TENM3: variants seen among roughly 807,000 people sequenced by gnomAD.
The protein encoded by TENM3 is teneurin-3.
A neutral mutation model predicts 255.1 loss-of-function variants in TENM3; 63 were observed. The observed-to-expected ratio is 0.25, with a 90% confidence interval of 0.20 to 0.30. TENM3 has a LOEUF of 0.30. Among genes scored for constraint, TENM3 ranks in the 10% least tolerant of loss-of-function variants. The pLI, the probability that TENM3 is intolerant of heterozygous loss-of-function variation, is 1.00. For missense variants in TENM3, 2,929 were observed against 3,461.1 expected, an observed-to-expected ratio of 0.85 and a Z score of 3.86; for synonymous variants, 1,306 against 1,322.3, an observed-to-expected ratio of 0.99 and a Z score of 0.27.
At chr4:181,653,603 G>T in the TENM3 span, among the ~76,000 whole-genome samples, 8 of 151,398 alleles carry the variant, frequency 5.3e-5, no homozygotes, top group Non-Finnish European at 7.4e-5. Flanking sequence ...GTTTTACCGT[G>T]TTGGCCAGGA....
intron 5 of TENM3, among the ~76,000 whole-genome samples, chr4:182,650,889 AATATATATAT>A (rs1157725899): frequency 3.4e-4 from 10 of 29,774 alleles, no homozygotes; most frequent in African/African-American, 2.4e-3. Flanking sequence ...AATAAAAAAA[AATATATATAT>A]ATATATATAT....
At chr4:181,889,616 A>T in the TENM3 span, among the ~76,000 whole-genome samples, 1 of 152,184 alleles carries the variant, frequency 6.6e-6, no homozygotes, top group African/African-American at 2.4e-5. Flanking sequence ...TGAACGGGCA[A>T]TAATTATAAA....
At chr4:181,476,562 G>C in the TENM3 span, among the ~76,000 whole-genome samples, 2 of 152,152 alleles carry the variant, frequency 1.3e-5, no homozygotes, top group Non-Finnish European at 2.9e-5. Context: ...GGTGAAAGGG[G>C]TGAAAACAGC....
At chr4:181,530,535 C>T in the TENM3 span, among the ~76,000 whole-genome samples, 1 of 152,160 alleles carries the variant, frequency 6.6e-6, no homozygotes, top group Non-Finnish European at 1.5e-5. Flanking sequence ...GTAGATCCTG[C>T]TGGCAGAACA....
intron 19 of TENM3, among the ~76,000 whole-genome samples, chr4:182,746,227 T>C (rs1762002767): frequency 2.6e-5 from 4 of 152,172 alleles, no homozygotes; most frequent in African/African-American, 9.7e-5. Flanking sequence ...CCGTGGTCCG[T>C]GGTTTCAAAT....
At chr4:181,816,758 A>G in the TENM3 span, among the ~76,000 whole-genome samples, 1 of 152,194 alleles carries the variant, frequency 6.6e-6, no homozygotes, top group Admixed American at 6.5e-5. Flanking sequence ...GAAGTCTTGT[A>G]GATTCTAAGA....
the TENM3 span, among the ~76,000 whole-genome samples, chr4:181,622,263 C>T: frequency 1.3e-5 from 2 of 152,180 alleles, no homozygotes; most frequent in African/African-American, 4.8e-5. Flanking sequence ...CCTCGTTTCC[C>T]TTTCCTCTCA....
rs575060133 is a variant in TENM3 at position 182,355,891 on chromosome 4, A to C, written c.511+8962A>C. On this transcript the variant is annotated intron_variant, in intron 3 of 27. Coordinates refer to ENST00000511685, the MANE Select transcript of TENM3 (RefSeq NM_001080477.4). Reference sequence around the variant, plus strand: ...GTGGGCCATCAAGTTTCAGTAATTTATTAGCCAATTATATATATATTATAT... The same window carrying C: ...GTGGGCCATCAAGTTTCAGTAATTTCTTAGCCAATTATATATATATTATAT... Among the ~76,000 whole-genome samples the C allele has an allele frequency of 2.9e-4, 44 of 150,054 alleles. No homozygotes were observed. The South Asian group carries it at 9.2e-3, about 31-fold the overall frequency.
chr4:182,486,816 A>G (rs572010476), intron 3 of TENM3, among the ~76,000 whole-genome samples: 70 of 152,290 alleles, frequency 4.6e-4, no homozygotes, highest in African/African-American at 1.6e-3. Flanking sequence ...CTCAATATAC[A>G]CTGCCTTGGC....
intron 1 of TENM3, among the ~76,000 whole-genome samples, chr4:182,293,275 G>A (rs187587124): frequency 4.2e-4 from 64 of 152,296 alleles, no homozygotes; most frequent in Admixed American, 2.2e-3. Context: ...ATTCAGCAGA[G>A]GGGATTCAAA....
intron 4 of TENM3, among the ~76,000 whole-genome samples, chr4:182,624,545 C>G (rs1750642942): frequency 6.6e-6 from 1 of 152,312 alleles, no homozygotes; most frequent in East Asian, 1.9e-4. Context: ...TCCCTGGGCC[C>G]TGTTGCTCCT....
the TENM3 span, among the ~76,000 whole-genome samples, chr4:181,591,514 T>C: frequency 1.3e-5 from 2 of 152,154 alleles, no homozygotes; most frequent in Admixed American, 6.5e-5. Context: ...ATTGTGTTGT[T>C]CAAGCATACT....
chr4:181,902,372 T>C, the TENM3 span, among the ~76,000 whole-genome samples: 1 of 152,230 alleles, frequency 6.6e-6, no homozygotes, highest in Non-Finnish European at 1.5e-5. Context: ...AGATCCCATT[T>C]GTCAATTTTG....
intron 24 of TENM3, among the ~76,000 whole-genome samples, chr4:182,783,818 G>T (rs543241290): frequency 1.3e-5 from 2 of 151,634 alleles, no homozygotes; most frequent in African/African-American, 4.9e-5. Flanking sequence ...ATCTTCCATC[G>T]CTGATACCCT....
intron 5 of TENM3, among the ~76,000 whole-genome samples, chr4:182,629,834 A>C (rs7669982): frequency 6.6e-6 from 1 of 152,254 alleles, no homozygotes; most frequent in Non-Finnish European, 1.5e-5. Flanking sequence ...TCCACTGGCT[A>C]CAATACTCCT....
At chr4:181,549,495 G>T in the TENM3 span, among the ~76,000 whole-genome samples, 1 of 152,196 alleles carries the variant, frequency 6.6e-6, no homozygotes, top group African/African-American at 2.4e-5. Flanking sequence ...TCCAACACAG[G>T]TCTGTGTTAG....
the TENM3 span, among the ~76,000 whole-genome samples, chr4:181,969,011 T>TATA: frequency 8.4e-6 from 1 of 118,362 alleles, no homozygotes; most frequent in African/African-American, 3.1e-5. Flanking sequence ...TATATATGTG[T>TATA]GTGTGTGTAT....
intron 1 of TENM3, among the ~76,000 whole-genome samples, chr4:182,257,305 T>G (rs1326432124): frequency 6.6e-6 from 1 of 152,172 alleles, no homozygotes; most frequent in Non-Finnish European, 1.5e-5. Flanking sequence ...TACATATGTG[T>G]GTGTGTTTGT....
At chr4:182,161,828 C>CAT (rs372039344) in intron 1 of TENM3, among the ~76,000 whole-genome samples, 1 of 12,950 alleles carries the variant, frequency 7.7e-5, no homozygotes, top group Non-Finnish European at 1.3e-4. Context: ...TATATATACA[C>CAT]ATATATATGT....
Sources: gnomAD v4.1 joint callset for allele counts (sites outside exome capture counted in the v4.1 genomes callset) on GRCh38, gnomAD v4.1.1 for gene constraint, MANE v1.5 for transcripts, NCBI Gene and HGNC (gene_info 2026-07-23, HGNC 2026-07-21) for gene names.